TM2D3: variants seen among roughly 807,000 people sequenced by gnomAD.
TM2D3 encodes TM2 domain-containing protein 3.
In TM2D3, 33 loss-of-function variants were observed where a neutral mutation model predicts 27.3. The ratio of observed to expected loss-of-function variants is 1.21; its 90% CI spans 0.92 to 1.61. The LOEUF (loss-of-function observed/expected upper bound fraction) is 1.61, where lower values mean the gene tolerates loss of function less well. Ranked by LOEUF, TM2D3 falls within the 40% of genes most tolerant of loss-of-function variation. The pLI, the probability that TM2D3 is intolerant of heterozygous loss-of-function variation, is 0.00. For synonymous variants in TM2D3, 138 were observed against 122.2 expected (o/e 1.13, Z -0.85); for missense variants, 364 against 320.8 (o/e 1.13, Z -1.03).
Position 101,642,332 on chromosome 15 carries a change from G to A in TM2D3, c.*147C>T, listed in dbSNP as rs1896688497. The A allele has an allele frequency of 6.0e-6, 8 of 1,330,004 alleles. No individual in the cohort carries two copies. The highest frequency in any genetic ancestry group is 4.5e-5 in the African/African-American group (3 of 67,152). The allele number at this position is 1,330,004 out of a possible 1,614,324, so 82.4% of individuals were successfully genotyped here. ...AAATTCCAGATTAGCATAGTTCAGC[G>A]TTTCATTTATCTTACCTTTATCAAG... On this transcript the variant is annotated 3_prime_UTR_variant, in exon 6 of 6. Transcript: ENST00000333202.
chr15:101,641,504 T>A (rs1183664115), downstream of TM2D3, among the ~76,000 whole-genome samples: 2 of 152,272 alleles, frequency 1.3e-5, no homozygotes, highest in Middle Eastern at 6.3e-3. Flanking sequence ...CTAGATATGA[T>A]ATGGTGGTTA....
Position 101,651,766 on chromosome 15 carries a change from C to T in TM2D3, c.99G>A (p.Ser33=). ...QFCILSGGEQ[S]QALAQSIKDP... ...CCTTTATTGACTGAGCCAGCGCCTG[C>T]GATTGCTCTAAATTTAAGGATCGTA... The change falls in exon 2 of 6, where the codon TCG becomes TCA. Residue 33 remains serine (S), a synonymous_variant. Coordinates refer to ENST00000333202, the MANE Select transcript of TM2D3 (RefSeq NM_078474.3). 1.2e-6 allele frequency: 2 copies of T among 1,614,158 alleles called. No individual in the cohort carries two copies. The highest frequency in any genetic ancestry group is 2.2e-5 in the East Asian group (1 of 44,880).
chr15:101,644,936 T>A, intron 5 of TM2D3, 151 bp downstream of exon 5: 1 of 718,994 alleles, frequency 1.4e-6, no homozygotes, highest in Non-Finnish European at 2.4e-6. Flanking sequence ...ACTGGTCTGA[T>A]CATCTAAACT....
chr15:101,649,886 A>C, intron 3 of TM2D3, 118 bp downstream of exon 3: 1 of 985,840 alleles, frequency 1.0e-6, no homozygotes, highest in Non-Finnish European at 1.5e-6. Context: ...TCAAAAGGGA[A>C]ATCATAAAAG....
chr15:101,647,321 T>C (rs897140666), intron 3 of TM2D3, among the ~76,000 whole-genome samples: 8 of 152,224 alleles, frequency 5.3e-5, no homozygotes, highest in African/African-American at 1.9e-4. Flanking sequence ...TGAAGGTCAC[T>C]GAGCTTCAAG....
At chr15:101,641,780 T>G (rs1198412411), downstream of TM2D3, 1 of 577,862 alleles carries the variant, frequency 1.7e-6, no homozygotes, top group African/African-American at 2.0e-5. Context: ...AATGTTATTC[T>G]TAACAATAAA....
chr15:101,648,538 G>A (rs998469352), intron 3 of TM2D3, among the ~76,000 whole-genome samples: 4 of 152,194 alleles, frequency 2.6e-5, no homozygotes, highest in African/African-American at 9.7e-5. Context: ...AGTGAGAAGT[G>A]AGCCGGCCTC....
At chr15:101,651,832 T>C in intron 1 of TM2D3, 59 bp from the exon 2 acceptor site, 2 of 1,574,342 alleles carry the variant, frequency 1.3e-6, no homozygotes, top group South Asian at 2.2e-5. Context: ...GAAAACCTTA[T>C]TTTGTGTGGT....
At position 101,642,295 on chromosome 15, in the gene TM2D3, G is replaced by A; in HGVS notation, c.*184C>T. 3 of 1,261,910 alleles carry A rather than the reference G, an allele frequency of 2.4e-6. No homozygotes were observed. The highest frequency in any genetic ancestry group is 3.0e-6 in the Non-Finnish European group (3 of 1,002,854). The allele number at this position is 1,261,910 out of a possible 1,614,324, so 78.2% of individuals were successfully genotyped here. ...TTTCACAGAAAAAAATATATTTCAGGCAAATAAAAACAAATTCCAGATTAG... is the reference window on the plus strand; with the variant it reads ...TTTCACAGAAAAAAATATATTTCAGACAAATAAAAACAAATTCCAGATTAG... On this transcript the variant is annotated 3_prime_UTR_variant, in exon 6 of 6. Coordinates refer to ENST00000333202, the MANE Select transcript of TM2D3 (RefSeq NM_078474.3).
In TM2D3 at chr15:101,642,565, C is replaced by T. The variant is rs1473275227; in HGVS notation, c.658G>A (p.Gly220Ser). The T allele has an allele frequency of 4.3e-6, 7 of 1,612,866 alleles. No homozygotes were observed. The highest frequency in any genetic ancestry group is 2.2e-5 in the East Asian group (1 of 44,876). Residue 220 changes from glycine to serine, a missense_variant, in exon 6 of 6, where the codon GGT becomes AGT. Gly to Ser is a moderately conservative substitution (Grantham distance 56). Transcript: ENST00000333202. ...REGLGKLFSF[G>S]GLGIWTLIDV... is the part of the protein sequence containing the mutation. The stretch of plus-strand genomic sequence containing the variant: ...ATCAGCGTCCATATTCCCAGGCCAC[C>T]GAAGCTGAAGAGCTTGCCGAGGCCT...
At position 101,646,715 on chromosome 15, in the gene TM2D3, T is replaced by A. The variant is rs767622576; in HGVS notation, c.502+10A>T. 9 of 1,614,180 alleles carry A rather than the reference T, an allele frequency of 5.6e-6. No homozygotes were observed. In the East Asian group the frequency reaches 1.1e-4, roughly 20 times the overall value. ...ATTTTGTTGACAAATGTCCTTGAAC[T>A]CTGACCTACCCAAGCAGTGGACGTG... On this transcript the variant is annotated intron_variant, in intron 4 of 5. Coordinates refer to ENST00000333202, the MANE Select transcript of TM2D3 (RefSeq NM_078474.3).
chr15:101,651,686 C>T lies in TM2D3; in HGVS notation c.169+10G>A, dbSNP rs1450873047. ...TACATGTATTTACTAGAATAGAAAA[C>T]GTCTAGTACCTGCTGCCCTGGGAAC... On this transcript the variant is annotated intron_variant, in intron 2 of 5. Coordinates refer to ENST00000333202, the MANE Select transcript of TM2D3 (RefSeq NM_078474.3). The T allele has an allele frequency of 1.9e-6, 3 of 1,612,704 alleles. No homozygotes were observed. Among genetic ancestry groups the T allele is most frequent in the African/African-American group, 2.7e-5 (2 of 74,856 alleles).
intron 1 of TM2D3, 75 bp from the exon 2 acceptor site, chr15:101,651,848 C>T: frequency 1.3e-6 from 2 of 1,506,594 alleles, no homozygotes; most frequent in Non-Finnish European, 1.8e-6. Flanking sequence ...GTGGTTAACA[C>T]GGCGGGTCTA....
At chr15:101,652,248 G>A in intron 1 of TM2D3, 23 bp downstream of exon 1, 1 of 1,597,352 alleles carries the variant, frequency 6.3e-7, no homozygotes. Context: ...CCCACCCGGC[G>A]CTGAACCCAG....
intron 5 of TM2D3, among the ~76,000 whole-genome samples, chr15:101,643,597 G>A (rs1412944746): frequency 2.6e-5 from 2 of 77,784 alleles, no homozygotes; most frequent in South Asian, 5.3e-4. Flanking sequence ...GAGAGACTCC[G>A]TTAAAAAAAA....
At chr15:101,652,226 C>A in intron 1 of TM2D3, 45 bp downstream of exon 1, 1 of 1,549,500 alleles carries the variant, frequency 6.5e-7, no homozygotes, top group South Asian at 1.1e-5. Flanking sequence ...CGGGGCCCTG[C>A]TGCCACTCAG....
At chr15:101,642,778 T>C in intron 5 of TM2D3, 134 bp from the exon 6 acceptor site, 1 of 595,842 alleles carries the variant, frequency 1.7e-6, no homozygotes, top group East Asian at 3.4e-5. Context: ...GGAACACAAG[T>C]GACTATTTCA....
chr15:101,633,843 C>T, intron 4 of TM2D3: 2 of 856,062 alleles, frequency 2.3e-6, no homozygotes, highest in East Asian at 5.5e-5. Context: ...AGGACATTCA[C>T]AACTTGATTG....
chr15:101,650,860 G>A (rs1896949312), intron 2 of TM2D3, among the ~76,000 whole-genome samples: 1 of 152,132 alleles, frequency 6.6e-6, no homozygotes, highest in African/African-American at 2.4e-5. Context: ...GAAAAGAAGG[G>A]CTTTCAAAAG....
Sources: gnomAD v4.1 joint callset for allele counts (sites outside exome capture counted in the v4.1 genomes callset) on GRCh38, gnomAD v4.1.1 for gene constraint, MANE v1.5 for transcripts, NCBI Gene and HGNC (gene_info 2026-07-23, HGNC 2026-07-21) for gene names.